The following PLCB4 variants were observed in gnomAD, a reference collection of about 807,000 sequenced individuals.
PLCB4 encodes the protein phospholipase C beta 4.
Under a neutral mutation model 178.8 loss-of-function variants are expected in PLCB4, and 77 were observed. That is an observed-to-expected ratio of 0.43 (90% confidence interval 0.36 to 0.52). The LOEUF is 0.52. PLCB4 is among the 20% of genes least tolerant of loss of function. The probability of loss-of-function intolerance (pLI) is 0.00; values close to 1 mark genes in which losing one functional copy is unlikely to be tolerated. For missense variants in PLCB4, 1,024 were observed against 1,453.4 expected, an observed-to-expected ratio of 0.70 and a Z score of 4.80; for synonymous variants, 496 against 490.8, an observed-to-expected ratio of 1.01 and a Z score of -0.14.
At chr20:9,217,337 T>C (rs2093744813) in intron 2 of PLCB4, 53 bp from the exon 3 acceptor site, 1 of 152,208 alleles carries the variant, frequency 6.6e-6, no homozygotes, top group Non-Finnish European at 1.5e-5. Context: ...TTTTTCTCCA[T>C]GAAAACTCTA....
chr20:9,288,820 A>G (rs1049372370), intron 3 of PLCB4, among the ~76,000 whole-genome samples: 5 of 152,086 alleles, frequency 3.3e-5, no homozygotes, highest in African/African-American at 1.2e-4. Context: ...TCAAAAAGGC[A>G]TATTTTGAAC....
intron 25 of PLCB4, among the ~76,000 whole-genome samples, chr20:9,417,164 C>G (rs937364742): frequency 6.6e-6 from 1 of 152,052 alleles, no homozygotes; most frequent in Non-Finnish European, 1.5e-5. Flanking sequence ...ATGTACTGCT[C>G]ATAGTATGGA....
At chr20:9,424,928 T>G (rs2040891976) in intron 28 of PLCB4, among the ~76,000 whole-genome samples, 1 of 152,170 alleles carries the variant, frequency 6.6e-6, no homozygotes. Context: ...GGGCAGATTT[T>G]CTGCAACTAA....
At chr20:9,376,005 G>T (rs2036635796) in intron 12 of PLCB4, among the ~76,000 whole-genome samples, 1 of 152,014 alleles carries the variant, frequency 6.6e-6, no homozygotes, top group Admixed American at 6.6e-5. Context: ...TGTATCTTCA[G>T]GGGGCTGCAA....
At chr20:9,265,297 A>G in intron 3 of PLCB4, among the ~76,000 whole-genome samples, 1 of 152,158 alleles carries the variant, frequency 6.6e-6, no homozygotes, top group Non-Finnish European at 1.5e-5. Flanking sequence ...AGCCTGGCCA[A>G]CGTGGCAAAA....
intron 9 of PLCB4, among the ~76,000 whole-genome samples, chr20:9,366,098 A>G (rs1312975083): frequency 6.6e-6 from 1 of 152,098 alleles, no homozygotes; most frequent in Admixed American, 6.6e-5. Context: ...CAAAGAATAA[A>G]AAGGCTTGAG....
chr20:9,384,144 C>A, intron 13 of PLCB4, 57 bp from the exon 14 acceptor site: 2 of 1,274,334 alleles, frequency 1.6e-6, no homozygotes, highest in Non-Finnish European at 2.3e-6. Context: ...ATGAATAAAA[C>A]ATGAGATATG....
intron 14 of PLCB4, among the ~76,000 whole-genome samples, chr20:9,386,978 C>T (rs1180457272): frequency 1.3e-5 from 2 of 151,446 alleles, no homozygotes; most frequent in African/African-American, 2.4e-5. Context: ...CTGGAACCTC[C>T]CCTCCTGGGT....
intron 2 of PLCB4, among the ~76,000 whole-genome samples, chr20:9,126,437 C>A (rs1307568587): frequency 2.0e-5 from 3 of 152,108 alleles, no homozygotes; most frequent in African/African-American, 4.8e-5. Flanking sequence ...TTCCCCTAGT[C>A]CCCTTCACTC....
At chr20:9,418,652 A>G (rs1045945046) in intron 25 of PLCB4, among the ~76,000 whole-genome samples, 1 of 152,014 alleles carries the variant, frequency 6.6e-6, no homozygotes, top group Non-Finnish European at 1.5e-5. Flanking sequence ...GCTATTCTTG[A>G]TCCCTTGAGT....
chr20:9,134,461 A>G (rs1286084379), intron 2 of PLCB4, among the ~76,000 whole-genome samples: 1 of 151,968 alleles, frequency 6.6e-6, no homozygotes, highest in Admixed American at 6.6e-5. Context: ...ATTTTTTTTA[A>G]TATCCTTCTC....
intron 2 of PLCB4, among the ~76,000 whole-genome samples, chr20:9,113,397 T>C (rs2091655280): frequency 6.6e-6 from 1 of 152,158 alleles, no homozygotes; most frequent in South Asian, 2.1e-4. Context: ...TGTGCAGAAG[T>C]GCCCGCGGGA....
intron 2 of PLCB4, among the ~76,000 whole-genome samples, chr20:9,177,605 T>G (rs2093176509): frequency 6.6e-6 from 1 of 152,030 alleles, no homozygotes; most frequent in East Asian, 1.9e-4. Flanking sequence ...GGAAAAGGGG[T>G]GTAGATGGAT....
chr20:9,335,837 C>A (rs1208423077), intron 4 of PLCB4, among the ~76,000 whole-genome samples: 1 of 152,102 alleles, frequency 6.6e-6, no homozygotes, highest in East Asian at 1.9e-4. Flanking sequence ...AGAGCACACG[C>A]CTGATACAGA....
At chr20:9,453,892 A>G (rs143606454) in intron 33 of PLCB4, among the ~76,000 whole-genome samples, 2 of 152,298 alleles carry the variant, frequency 1.3e-5, no homozygotes, top group Admixed American at 6.5e-5. Flanking sequence ...TTAACATCTC[A>G]CATAATCATA....
chr20:9,194,046 A>G (rs2876163), intron 2 of PLCB4, among the ~76,000 whole-genome samples: 143,510 of 152,226 alleles, frequency 0.94, 67,740 homozygotes, highest in East Asian at 1. Context: ...TTTTATACAC[A>G]TTCATTGTGA....
At chr20:9,410,975 C>G in intron 24 of PLCB4, 62 bp from the exon 25 acceptor site, 1 of 1,182,916 alleles carries the variant, frequency 8.5e-7, no homozygotes, top group Non-Finnish European at 1.3e-6. Flanking sequence ...TTTCAAATCA[C>G]CCCGTCAGGG....
intron 2 of PLCB4, among the ~76,000 whole-genome samples, chr20:9,189,500 T>C (rs963319339): frequency 3.3e-5 from 5 of 151,524 alleles, no homozygotes; most frequent in Non-Finnish European, 5.9e-5. Flanking sequence ...CATTCTGGGT[T>C]GGTTAACTGT....
At chr20:9,133,482 G>A (rs557083339) in intron 2 of PLCB4, among the ~76,000 whole-genome samples, 18 of 152,198 alleles carry the variant, frequency 1.2e-4, no homozygotes, top group African/African-American at 4.3e-4. Context: ...GGCCAGGTTG[G>A]TCTTGAACTG....
Sources: gnomAD v4.1 joint callset for allele counts (sites outside exome capture counted in the v4.1 genomes callset) on GRCh38, gnomAD v4.1.1 for gene constraint, MANE v1.5 for transcripts, NCBI Gene and HGNC (gene_info 2026-07-23, HGNC 2026-07-21) for gene names.